GALNT10: variants seen among roughly 807,000 people sequenced by gnomAD.
The protein encoded by GALNT10 is polypeptide N-acetylgalactosaminyltransferase 10.
In GALNT10, 41 loss-of-function variants were observed where a neutral mutation model predicts 75.0. That is an observed-to-expected ratio of 0.55 (90% CI 0.43 to 0.71). The LOEUF (loss-of-function observed/expected upper bound fraction) is 0.71, where lower values mean the gene tolerates loss of function less well. Ranked by LOEUF, GALNT10 falls within the 30% of genes least tolerant of loss-of-function variation. GALNT10 has a pLI of 0.00. For missense variants in GALNT10, 727 were observed against 818.5 expected (o/e 0.89, Z 1.36); for synonymous variants, 302 against 313.0 (o/e 0.96, Z 0.37).
chr5:154,396,659 C>T (rs899066082), intron 7 of GALNT10, among the ~76,000 whole-genome samples: 1 of 152,140 alleles, frequency 6.6e-6, no homozygotes, highest in African/African-American at 2.4e-5. Flanking sequence ...ATGCCTCCCT[C>T]GCTGGGTTGC....
At chr5:154,229,453 A>C (rs1286854706) in intron 1 of GALNT10, among the ~76,000 whole-genome samples, 2 of 152,150 alleles carry the variant, frequency 1.3e-5, no homozygotes, top group African/African-American at 2.4e-5. Context: ...TTCCTGCCGG[A>C]CGTGGTGGCT....
At chr5:154,379,528 G>A (rs1755702977) in intron 5 of GALNT10, among the ~76,000 whole-genome samples, 1 of 152,196 alleles carries the variant, frequency 6.6e-6, no homozygotes, top group Non-Finnish European at 1.5e-5. Flanking sequence ...ACCAGGCATT[G>A]AGCACAGCCC....
At chr5:154,307,434 C>T (rs1403821667) in intron 3 of GALNT10, among the ~76,000 whole-genome samples, 3 of 152,068 alleles carry the variant, frequency 2.0e-5, no homozygotes, top group African/African-American at 7.2e-5. Context: ...TCCTGGCTAA[C>T]ATGGTGAAAC....
At chr5:154,383,855 G>A (rs1755769365) in intron 6 of GALNT10, among the ~76,000 whole-genome samples, 1 of 152,180 alleles carries the variant, frequency 6.6e-6, no homozygotes, top group Admixed American at 6.5e-5. Context: ...TATTCTAGCT[G>A]TATTAATCCA....
intron 1 of GALNT10, among the ~76,000 whole-genome samples, chr5:154,227,428 C>A (rs368398566): frequency 4.4e-4 from 67 of 152,296 alleles, no homozygotes; most frequent in African/African-American, 1.4e-3. Flanking sequence ...CATCTTTTTG[C>A]ATGCTTATTT....
At chr5:154,322,812 T>G (rs777292172) in intron 3 of GALNT10, among the ~76,000 whole-genome samples, 6 of 152,166 alleles carry the variant, frequency 3.9e-5, no homozygotes, top group Non-Finnish European at 5.9e-5. Context: ...GCAAGAGCAT[T>G]TCCTGCAAGA....
chr5:154,222,695 A>C (rs1002045947), intron 1 of GALNT10, among the ~76,000 whole-genome samples: 1 of 152,118 alleles, frequency 6.6e-6, no homozygotes, highest in African/African-American at 2.4e-5. Flanking sequence ...TCTCACATGA[A>C]ATTTACATTC....
At chr5:154,203,717 T>C (rs1030836314) in intron 1 of GALNT10, among the ~76,000 whole-genome samples, 12 of 152,336 alleles carry the variant, frequency 7.9e-5, no homozygotes, top group African/African-American at 2.9e-4. Flanking sequence ...GAATGTATTG[T>C]TGAAGGAGGC....
chr5:154,217,985 G>C (rs1173802858), intron 1 of GALNT10: 2 of 983,740 alleles, frequency 2.0e-6, no homozygotes, highest in South Asian at 9.4e-5. Context: ...ATAGAAGAAA[G>C]GGAATCATTC....
intron 1 of GALNT10, among the ~76,000 whole-genome samples, chr5:154,247,846 A>T (rs535108370): frequency 4.6e-5 from 7 of 152,272 alleles, no homozygotes; most frequent in African/African-American, 1.7e-4. Context: ...TTCCAGCACT[A>T]TGTTGAATAG....
rs76097356 is a variant in GALNT10 at position 154,240,929 on chromosome 5, C to T, written c.159+49904C>T. Among the ~76,000 whole-genome samples, 779 of 152,230 alleles carry T rather than the reference C, an allele frequency of 5.1e-3. 3 individuals are homozygous for T. Among genetic ancestry groups the T allele is most frequent in the African/African-American group, 0.017 (685 of 41,514 alleles). On this transcript the variant is annotated intron_variant, in intron 1 of 11. Coordinates refer to ENST00000297107, the MANE Select transcript of GALNT10 (RefSeq NM_198321.4). ...TGTAATTTGAAGGAAAAAATACCTG[C>T]CTTGCAAAATTGTGGAGATCAAATA...
intron 1 of GALNT10, among the ~76,000 whole-genome samples, chr5:154,249,194 C>T (rs1427418207): frequency 6.6e-6 from 1 of 152,178 alleles, no homozygotes; most frequent in Non-Finnish European, 1.5e-5. Flanking sequence ...TTTGTTCAAA[C>T]ACAGATTTCT....
chr5:154,225,150 T>G (rs1753042116), intron 1 of GALNT10, among the ~76,000 whole-genome samples: 1 of 151,502 alleles, frequency 6.6e-6, no homozygotes, highest in Non-Finnish European at 1.5e-5. Flanking sequence ...TGGAGTGTAG[T>G]GGCGCAATCT....
At chr5:154,252,017 G>T (rs114695853) in intron 1 of GALNT10, among the ~76,000 whole-genome samples, 1 of 151,954 alleles carries the variant, frequency 6.6e-6, no homozygotes, top group South Asian at 2.1e-4. Context: ...TTTCTTTATA[G>T]CAAGAGCCCT....
intron 1 of GALNT10, among the ~76,000 whole-genome samples, chr5:154,196,404 T>C (rs900462717): frequency 2.6e-5 from 4 of 152,190 alleles, no homozygotes; most frequent in African/African-American, 9.7e-5. Context: ...ACAAAACAAA[T>C]TGAGCCATGT....
At chr5:154,365,647 C>T (rs1404158496) in intron 4 of GALNT10, among the ~76,000 whole-genome samples, 1 of 152,168 alleles carries the variant, frequency 6.6e-6, no homozygotes, top group African/African-American at 2.4e-5. Flanking sequence ...TTTTACATCA[C>T]ATACTCTATA....
intron 8 of GALNT10, among the ~76,000 whole-genome samples, chr5:154,405,187 C>T (rs894987259): frequency 8.5e-5 from 13 of 152,200 alleles, no homozygotes; most frequent in Admixed American, 7.8e-4. Flanking sequence ...CAGGGCGCTG[C>T]CTCCTCCTCC....
At chr5:154,355,435 G>C (rs1340010322) in intron 4 of GALNT10, among the ~76,000 whole-genome samples, 1 of 152,174 alleles carries the variant, frequency 6.6e-6, no homozygotes, top group Non-Finnish European at 1.5e-5. Context: ...TGAATGGTTG[G>C]CCTCTCGTTA....
At chr5:154,383,688 C>G (rs1755766678) in intron 6 of GALNT10, among the ~76,000 whole-genome samples, 1 of 152,126 alleles carries the variant, frequency 6.6e-6, no homozygotes, top group Non-Finnish European at 1.5e-5. Context: ...GTTCAGTCTC[C>G]CATGAAGCAC....
Sources: gnomAD v4.1 joint callset for allele counts (sites outside exome capture counted in the v4.1 genomes callset) on GRCh38, gnomAD v4.1.1 for gene constraint, MANE v1.5 for transcripts, NCBI Gene and HGNC (gene_info 2026-07-23, HGNC 2026-07-21) for gene names.